The following CNR1 variants were observed in gnomAD, a reference collection of about 807,000 sequenced individuals.
The protein encoded by CNR1 is cannabinoid receptor 1 (brain).
A neutral mutation model predicts 23.0 loss-of-function variants in CNR1; 10 were observed. The ratio of observed to expected loss-of-function variants is 0.43; its 90% CI spans 0.27 to 0.74. The LOEUF is 0.74. CNR1 is among the 30% of genes least tolerant of loss of function. CNR1 has a pLI of 0.19. For missense variants in CNR1, 422 were observed against 618.8 expected (o/e 0.68, Z 3.37); for synonymous variants, 271 against 255.2 (o/e 1.06, Z -0.59).
rs748199661 is a variant in CNR1, at chr6:88,144,788, C to T, written c.487G>A (p.Asp163Asn). ...YHFIGSLAVA[D>N]LLGSVIFVYS... ...ACAAAAATGACACTCCCCAGGAGGTCTGCCACCGCCAGGCTGCCGATGAAG... is the reference window on the plus strand; with the variant it reads ...ACAAAAATGACACTCCCCAGGAGGTTTGCCACCGCCAGGCTGCCGATGAAG... The change falls in exon 2 of 2, where the codon GAC becomes AAC. Residue 163 changes from aspartate (D) to asparagine (N), a missense_variant. Physicochemically the swap from Asp to Asn is conservative, Grantham distance 23. Coordinates refer to ENST00000369501, the MANE Select transcript of CNR1 (RefSeq NM_016083.6). This position sits in a 1 kb window ranked among gnomAD's most constrained non-coding sequence, Gnocchi z 7.8. 1.2e-6 allele frequency: 2 copies of T among 1,614,182 alleles called. No individual in the cohort carries two copies. Among genetic ancestry groups the T allele is most frequent in the Non-Finnish European group, 1.7e-6 (2 of 1,180,038 alleles).
chr6:88,147,151 A>C (rs1423915852), intron 1 of CNR1, among the ~76,000 whole-genome samples: 2 of 152,182 alleles, frequency 1.3e-5, no homozygotes, highest in African/African-American at 4.8e-5. Flanking sequence ...AAATTTAAAA[A>C]AATTTTAAAA....
At chr6:88,148,769 T>A (rs2127836899) in intron 1 of CNR1, among the ~76,000 whole-genome samples, 1 of 152,322 alleles carries the variant, frequency 6.6e-6, no homozygotes, top group East Asian at 1.9e-4. Flanking sequence ...GGCAATGCCA[T>A]ACCAAATGGT....
chr6:88,162,940 A>T (rs1028836177), intron 1 of CNR1: 1 of 152,242 alleles, frequency 6.6e-6, no homozygotes, highest in African/African-American at 2.4e-5. Context: ...ATACAAAAAT[A>T]GAAGAAACAG....
intron 1 of CNR1, among the ~76,000 whole-genome samples, chr6:88,149,459 A>G (rs1357584627): frequency 6.6e-6 from 1 of 152,162 alleles, no homozygotes; most frequent in Non-Finnish European, 1.5e-5. Context: ...TAACAACTCC[A>G]TTTACATATG....
upstream of CNR1, among the ~76,000 whole-genome samples, chr6:88,167,164 G>A (rs1202044090): frequency 6.6e-6 from 1 of 151,716 alleles, no homozygotes; most frequent in African/African-American, 2.4e-5. Flanking sequence ...CCCCTCCCCG[G>A]CCACCCGGGG....
Position 88,145,284 on chromosome 6 carries a change from C to T in CNR1, c.-10G>A, listed in dbSNP as rs761017586. ...CTAGGATCGACTTCATAACCTCAGT[C>T]TTTGATTAGGCTGAGCTCAAAATGA... On this transcript the variant is annotated 5_prime_UTR_variant, in exon 2 of 2. Coordinates refer to ENST00000369501, the MANE Select transcript of CNR1 (RefSeq NM_016083.6). 8.1e-6 allele frequency: 13 copies of T among 1,596,444 alleles called. No individual in the cohort carries two copies. In the South Asian group the frequency reaches 1.5e-4, roughly 18 times the overall value.
intron 1 of CNR1, among the ~76,000 whole-genome samples, chr6:88,165,557 A>G (rs1007580660): frequency 6.6e-6 from 1 of 152,218 alleles, no homozygotes; most frequent in Non-Finnish European, 1.5e-5. Flanking sequence ...ATTTTCTACA[A>G]ACAGACATCA....
At chr6:88,156,792 GTAACAGAACAGCTTT>G (rs1777824754) in intron 1 of CNR1, among the ~76,000 whole-genome samples, 1 of 152,206 alleles carries the variant, frequency 6.6e-6, no homozygotes, top group African/African-American at 2.4e-5. Context: ...AAGATCCAAC[GTAACAGAACAGCTTT>G]TAACCATGGA....
At chr6:88,156,015 A>C (rs1235164978) in intron 1 of CNR1, among the ~76,000 whole-genome samples, 1 of 152,192 alleles carries the variant, frequency 6.6e-6, no homozygotes, top group Non-Finnish European at 1.5e-5. Context: ...GGAGAAATTC[A>C]AACACTCAAA....
Position 88,144,900 on chromosome 6 carries a change from C to A in CNR1, c.375G>T (p.Thr125=), listed in dbSNP as rs760414198. 5.0e-6 allele frequency: 8 copies of A among 1,614,042 alleles called. No individual in the cohort carries two copies. In the African/African-American group the frequency reaches 8.0e-5, roughly 16 times the overall value. ...TCTCCAGGACCGTGAAGGTGCCCAG[C>A]GTGAGGGACAGGACTGCAATGGCCA... ...QQLAIAVLSL[T]LGTFTVLENL... The change falls in exon 2 of 2, where the codon ACG becomes ACT. Residue 125 remains threonine, a synonymous_variant. Transcript: ENST00000369501. The surrounding 1 kb of genome is among the most constrained non-coding windows in gnomAD (Gnocchi z 7.8).
At chr6:88,150,944 G>A (rs2127841593) in intron 1 of CNR1, among the ~76,000 whole-genome samples, 1 of 152,278 alleles carries the variant, frequency 6.6e-6, no homozygotes, top group East Asian at 1.9e-4. Flanking sequence ...AGTCACCTAA[G>A]TTCCTAACTT....
rs1776943164 is a variant in CNR1, at chr6:88,143,492, T to TTAC, written c.*361_*363dup. ...TGGACATCTCTGATACTACGGACAGTTACATTTCACATTATAGTGAAAGTT... is the reference window on the plus strand; with the variant it reads ...TGGACATCTCTGATACTACGGACAGTTACTACATTTCACATTATAGTGAAAGTT... On this transcript the variant is annotated 3_prime_UTR_variant, in exon 2 of 2. Coordinates refer to ENST00000369501, the MANE Select transcript of CNR1 (RefSeq NM_016083.6). 9.5e-6 allele frequency: 2 copies of TTAC among 211,000 alleles called. No homozygotes were observed. Among genetic ancestry groups the TTAC allele is most frequent in the East Asian group, 2.4e-4 (2 of 8,246 alleles). The allele number at this position is 211,000 out of a possible 1,614,324, so 13.1% of individuals were successfully genotyped here.
chr6:88,164,941 G>A (rs1411068557), intron 1 of CNR1, among the ~76,000 whole-genome samples: 1 of 152,156 alleles, frequency 6.6e-6, no homozygotes, highest in Non-Finnish European at 1.5e-5. Flanking sequence ...CATGCCCGAG[G>A]AGGCTTACTA....
chr6:88,161,233 T>G (rs1372876296), intron 1 of CNR1, among the ~76,000 whole-genome samples: 2 of 152,252 alleles, frequency 1.3e-5, no homozygotes, highest in Non-Finnish European at 2.9e-5. Context: ...GAAAGCTTTC[T>G]TAAAGTGCAG....
At chr6:88,165,640 C>T (rs190005298) in intron 1 of CNR1, among the ~76,000 whole-genome samples, 163 bp downstream of exon 1, 4 of 152,300 alleles carry the variant, frequency 2.6e-5, no homozygotes, top group Non-Finnish European at 5.9e-5. Flanking sequence ...TAGAACAGAT[C>T]ACAGTTAACA....
chr6:88,141,942 A>T lies in CNR1; in HGVS notation c.*1914T>A, dbSNP rs1776846914. 6.6e-6 allele frequency: 1 copy of T among 152,344 alleles called. No homozygotes were observed. The highest frequency in any genetic ancestry group is 2.4e-5 in the African/African-American group (1 of 41,452). 9.4% of individuals were successfully genotyped at this position (152,344 alleles called of 1,614,324 possible). A position where few individuals can be genotyped will look rare whatever the true frequency, so the allele number is the denominator to read the frequency against. ...AGGAGTCATGTTTTATCTGTATAAGAAGAGATTATAATTAAAATTTGTCAG... is the reference window on the plus strand; with the variant it reads ...AGGAGTCATGTTTTATCTGTATAAGTAGAGATTATAATTAAAATTTGTCAG... On this transcript the variant is annotated 3_prime_UTR_variant, in exon 2 of 2. Coordinates refer to ENST00000369501, the MANE Select transcript of CNR1 (RefSeq NM_016083.6).
At chr6:88,146,297 G>A (rs548346963) in intron 1 of CNR1, among the ~76,000 whole-genome samples, 7 of 152,062 alleles carry the variant, frequency 4.6e-5, no homozygotes, top group Non-Finnish European at 1.0e-4. Context: ...GTAGAGACAG[G>A]GTTTCACCAT....
At chr6:88,155,392 C>T (rs571376702) in intron 1 of CNR1, among the ~76,000 whole-genome samples, 1 of 152,212 alleles carries the variant, frequency 6.6e-6, no homozygotes, top group East Asian at 1.9e-4. Context: ...TTAATATTTA[C>T]ATGAAGTGGG....
chr6:88,153,373 A>C (rs755220332), intron 1 of CNR1, among the ~76,000 whole-genome samples: 13 of 152,200 alleles, frequency 8.5e-5, no homozygotes, highest in Admixed American at 2.0e-4. Flanking sequence ...TTCTAGGCTG[A>C]AAACACTGTA....
Sources: gnomAD v4.1 joint callset for allele counts (sites outside exome capture counted in the v4.1 genomes callset) on GRCh38, gnomAD v4.1.1 for gene constraint, Gnocchi (gnomAD v3.1) non-coding constraint, MANE v1.5 for transcripts, NCBI Gene and HGNC (gene_info 2026-07-23, HGNC 2026-07-21) for gene names.